The following RPH3AL variants were observed in gnomAD, a reference collection of about 807,000 sequenced individuals.
RPH3AL encodes the protein rabphilin 3A like (without C2 domains).
RPH3AL carries 38 observed loss-of-function variants against 43.1 expected under a neutral mutation model. The observed-to-expected ratio is 0.88, with a 90% CI of 0.68 to 1.15. RPH3AL has a LOEUF of 1.15. Ranked by LOEUF, RPH3AL falls within the 50% of genes most tolerant of loss-of-function variation. The pLI is 0.00. For missense variants in RPH3AL, 462 were observed against 423.2 expected (o/e 1.09, Z -0.81); for synonymous variants, 189 against 176.3 (o/e 1.07, Z -0.57).
chr17:350,677 C>G (rs554596502), intron 1 of RPH3AL, among the ~76,000 whole-genome samples: 2 of 152,284 alleles, frequency 1.3e-5, no homozygotes, highest in South Asian at 4.1e-4. Flanking sequence ...CAAAACAAAA[C>G]AAACCCGTTT....
In RPH3AL at chr17:333,520, G is replaced by C. The variant is rs1471391280; in HGVS notation, c.-37+239C>G. The C allele has an allele frequency of 9.0e-6, 3 of 335,144 alleles. No homozygotes were observed. The highest frequency in any genetic ancestry group is 1.8e-5 in the Non-Finnish European group (3 of 168,452). The allele number at this position is 335,144 out of a possible 1,614,324, so 20.8% of individuals were successfully genotyped here. A position where few individuals can be genotyped will look rare whatever the true frequency, so the allele number is the denominator to read the frequency against. On this transcript the variant is annotated intron_variant, in intron 2 of 9. Coordinates refer to ENST00000331302, the MANE Select transcript of RPH3AL (RefSeq NM_006987.4). This position sits in a 1 kb window ranked among gnomAD's most constrained non-coding sequence, Gnocchi z 4.5. ...GCTTGCTGGTTTTTTAAACCACCTTGTGCTTTCCCACAGTATTAAAGTTCT... is the reference window on the plus strand; with the variant it reads ...GCTTGCTGGTTTTTTAAACCACCTTCTGCTTTCCCACAGTATTAAAGTTCT...
chr17:305,918 C>T (rs2043474716), intron 5 of RPH3AL, among the ~76,000 whole-genome samples: 1 of 148,440 alleles, frequency 6.7e-6, no homozygotes, highest in African/African-American at 2.5e-5. Flanking sequence ...AATCTTGACT[C>T]ACTGCAGCCT....
At chr17:259,361 G>T (rs1393918550) in intron 6 of RPH3AL, among the ~76,000 whole-genome samples, 2 of 152,126 alleles carry the variant, frequency 1.3e-5, no homozygotes, top group Non-Finnish European at 2.9e-5. Flanking sequence ...GAGGTGAGGT[G>T]CAAAGGACCC....
intron 5 of RPH3AL, among the ~76,000 whole-genome samples, chr17:284,817 C>T (rs1389429342): frequency 6.6e-6 from 1 of 152,224 alleles, no homozygotes; most frequent in Non-Finnish European, 1.5e-5. Flanking sequence ...TTTATCACAG[C>T]TGCAGAGGCC....
chr17:244,574 C>T (rs879679340), intron 7 of RPH3AL, among the ~76,000 whole-genome samples: 3 of 152,054 alleles, frequency 2.0e-5, no homozygotes, highest in Admixed American at 6.6e-5. Flanking sequence ...ATGCTGGCCC[C>T]GGGGCCCTCG....
chr17:346,416 G>A (rs1237365345), intron 1 of RPH3AL, among the ~76,000 whole-genome samples: 1 of 135,186 alleles, frequency 7.4e-6, no homozygotes, highest in African/African-American at 2.5e-5. Context: ...TCACAATCAT[G>A]GTGGAAGGCA....
At chr17:297,538 G>A (rs895025830) in intron 5 of RPH3AL, among the ~76,000 whole-genome samples, 13 of 152,352 alleles carry the variant, frequency 8.5e-5, no homozygotes, top group African/African-American at 2.6e-4. Context: ...ACTGGAGAAT[G>A]TGCTGCGGAT....
intron 6 of RPH3AL, among the ~76,000 whole-genome samples, chr17:278,786 A>G (rs1375762103): frequency 1.3e-5 from 2 of 152,188 alleles, no homozygotes; most frequent in Non-Finnish European, 2.9e-5. Context: ...TAAATGTGTC[A>G]GCTGCCTACA....
intron 5 of RPH3AL, among the ~76,000 whole-genome samples, chr17:304,296 T>C (rs1251723207): frequency 1.3e-5 from 2 of 151,972 alleles, no homozygotes; most frequent in Non-Finnish European, 2.9e-5. Flanking sequence ...TAGGTATTAT[T>C]ATTCCCGACT....
chr17:284,246 C>T (rs1716856081), intron 5 of RPH3AL, among the ~76,000 whole-genome samples: 1 of 152,126 alleles, frequency 6.6e-6, no homozygotes, highest in South Asian at 2.1e-4. Context: ...TGTTATGATC[C>T]CCACTATATA....
chr17:333,327 C>T lies in RPH3AL; in HGVS notation c.-37+432G>A. The T allele has an allele frequency of 7.8e-7, 1 of 1,276,684 alleles. No homozygotes were observed. Among genetic ancestry groups the T allele is most frequent in the Admixed American group, 2.3e-5 (1 of 43,458 alleles). 79.1% of individuals were successfully genotyped at this position (1,276,684 alleles called of 1,614,324 possible). A position where few individuals can be genotyped will look rare whatever the true frequency, so the allele number is the denominator to read the frequency against. ...AGGATATTTTATCCTAAAGAGAAAA[C>T]ACCTTAAATTCTCACATCAGCCACC... is the stretch of plus-strand genomic sequence containing the variant. On this transcript the variant is annotated intron_variant, in intron 2 of 9. Transcript: ENST00000331302. The surrounding 1 kb of genome is among the most constrained non-coding windows in gnomAD (Gnocchi z 4.5).
intron 6 of RPH3AL, among the ~76,000 whole-genome samples, chr17:249,008 G>A: frequency 6.6e-6 from 1 of 152,114 alleles, no homozygotes; most frequent in East Asian, 1.9e-4. Flanking sequence ...CTTCTCAGAT[G>A]GGACAGCCTC....
Position 336,818 on chromosome 17 carries a change from G to A in RPH3AL, c.-212-2884C>T, listed in dbSNP as rs539670847. Among the ~76,000 whole-genome samples the A allele has an allele frequency of 4.6e-5, 7 of 152,210 alleles. No individual in the cohort carries two copies. In the East Asian group the frequency reaches 9.7e-4, roughly 21 times the overall value. The stretch of plus-strand genomic sequence containing the variant: ...ACCAGGACCTTGAGGCATTGCAGCC[G>A]CCCAGCCTTGTCTCCGGCACCCTCT... On this transcript the variant is annotated intron_variant, in intron 1 of 9. Coordinates refer to ENST00000331302, the MANE Select transcript of RPH3AL (RefSeq NM_006987.4).
chr17:217,209 C>T (rs1159538436), intron 8 of RPH3AL, among the ~76,000 whole-genome samples: 1 of 146,652 alleles, frequency 6.8e-6, no homozygotes, highest in Non-Finnish European at 1.5e-5. Context: ...AATCAGGACC[C>T]CCAAGGCATT....
intron 5 of RPH3AL, among the ~76,000 whole-genome samples, chr17:314,400 C>A (rs1039360384): frequency 2.0e-5 from 3 of 152,094 alleles, no homozygotes; most frequent in African/African-American, 7.2e-5. Context: ...ATTCCCAAGT[C>A]TCTGTGCCCC....
intron 5 of RPH3AL, among the ~76,000 whole-genome samples, chr17:293,495 G>A (rs1171550352): frequency 2.0e-5 from 3 of 152,068 alleles, no homozygotes; most frequent in African/African-American, 4.8e-5. Context: ...GTGGGGCAGC[G>A]GGGTCCAGGG....
At chr17:239,604 T>G (rs1363111069) in intron 7 of RPH3AL, among the ~76,000 whole-genome samples, 1 of 152,170 alleles carries the variant, frequency 6.6e-6, no homozygotes, top group Non-Finnish European at 1.5e-5. Context: ...TTCTTTCCAC[T>G]ACCCTCCCGA....
chr17:216,355 T>C (rs2040802262), intron 8 of RPH3AL, among the ~76,000 whole-genome samples: 1 of 152,134 alleles, frequency 6.6e-6, no homozygotes, highest in Non-Finnish European at 1.5e-5. Flanking sequence ...AACATGAAAG[T>C]CCACAATTAT....
intron 1 of RPH3AL, among the ~76,000 whole-genome samples, chr17:342,201 T>C (rs2045137765): frequency 6.6e-6 from 1 of 152,090 alleles, no homozygotes. Flanking sequence ...CTAAAAAATA[T>C]GAAAAATAAC....
Sources: allele counts gnomAD v4.1 joint callset (sites outside exome capture counted in the v4.1 genomes callset), GRCh38; gene constraint gnomAD v4.1.1; non-coding constraint Gnocchi (gnomAD v3.1); transcripts MANE v1.5; gene names NCBI Gene and HGNC (gene_info 2026-07-23, HGNC 2026-07-21).